Variants in CEP128 observed in about 807,000 individuals in gnomAD.
CEP128 encodes the protein centrosomal protein 128kDa.
A neutral mutation model predicts 156.7 loss-of-function variants in CEP128; 132 were observed. The ratio of observed to expected loss-of-function variants is 0.84; its 90% confidence interval spans 0.73 to 0.97. The LOEUF is 0.97. CEP128 is among the 50% of genes least tolerant of loss of function. The probability of loss-of-function intolerance (pLI) is 0.00; values close to 1 mark genes in which losing one functional copy is unlikely to be tolerated. For missense variants in CEP128, 1,252 were observed against 1,281.9 expected, an observed-to-expected ratio of 0.98 and a Z score of 0.36; for synonymous variants, 469 against 448.9, an observed-to-expected ratio of 1.04 and a Z score of -0.57.
chr14:80,615,186 T>C (rs1432445568), intron 19 of CEP128, among the ~76,000 whole-genome samples: 1 of 152,194 alleles, frequency 6.6e-6, no homozygotes, highest in Non-Finnish European at 1.5e-5. Flanking sequence ...GGGGAAACTC[T>C]ACAGTCACAC....
At chr14:80,659,812 T>C (rs148906062) in intron 19 of CEP128, among the ~76,000 whole-genome samples, 5,076 of 152,268 alleles carry the variant, frequency 0.033, 149 homozygotes, top group Non-Finnish European at 0.051. Context: ...TGACACTCAA[T>C]TTCCAAGTCA....
intron 9 of CEP128, among the ~76,000 whole-genome samples, chr14:80,861,178 T>C (rs868556188): frequency 8.6e-5 from 13 of 152,020 alleles, no homozygotes; most frequent in African/African-American, 2.9e-4. Flanking sequence ...CTACTTATAG[T>C]AGTAATTGTT....
chr14:80,692,348 A>T (rs985345291), intron 19 of CEP128, among the ~76,000 whole-genome samples: 3 of 152,192 alleles, frequency 2.0e-5, no homozygotes, highest in African/African-American at 7.2e-5. Context: ...ATATTAGCTT[A>T]CCTAAAAATT....
chr14:80,954,081 A>T (rs1886536130), intron 2 of CEP128, among the ~76,000 whole-genome samples: 1 of 152,058 alleles, frequency 6.6e-6, no homozygotes, highest in South Asian at 2.1e-4. Context: ...CAGCCTGACT[A>T]ACACAGTGAA....
chr14:80,632,005 C>T (rs957823100), intron 19 of CEP128, among the ~76,000 whole-genome samples: 2 of 152,054 alleles, frequency 1.3e-5, no homozygotes, highest in African/African-American at 2.4e-5. Flanking sequence ...GTCCATATTA[C>T]TAGCTGATGT....
intron 19 of CEP128, among the ~76,000 whole-genome samples, chr14:80,681,359 G>A (rs552724103): frequency 1.1e-4 from 17 of 152,258 alleles, no homozygotes; most frequent in African/African-American, 2.9e-4. Context: ...TGAATGTAGC[G>A]ACACCACCAA....
At chr14:80,880,810 T>C (rs2556612) in intron 8 of CEP128, among the ~76,000 whole-genome samples, 72,958 of 146,746 alleles carry the variant, frequency 0.5, 18,554 homozygotes, top group African/African-American at 0.57. Context: ...TTGCAGTGAG[T>C]CAAGATCTCG....
At chr14:80,726,767 A>G (rs980265208) in intron 19 of CEP128, among the ~76,000 whole-genome samples, 9 of 152,218 alleles carry the variant, frequency 5.9e-5, no homozygotes, top group Admixed American at 2.0e-4. Flanking sequence ...CTAATAATAT[A>G]AATAAGTGGA....
intron 3 of CEP128, among the ~76,000 whole-genome samples, chr14:80,914,819 T>C (rs1268525749): frequency 6.6e-6 from 1 of 152,232 alleles, no homozygotes; most frequent in African/African-American, 2.4e-5. Flanking sequence ...TGATTTTGAC[T>C]ATTCTTTTAC....
chr14:80,720,459 C>A (rs770843543), intron 19 of CEP128, among the ~76,000 whole-genome samples: 2 of 152,154 alleles, frequency 1.3e-5, no homozygotes, highest in Non-Finnish European at 2.9e-5. Flanking sequence ...CCCAGCCAAG[C>A]CACATTCTAC....
At chr14:80,608,398 T>G (rs1200180956) in intron 19 of CEP128, among the ~76,000 whole-genome samples, 1 of 152,212 alleles carries the variant, frequency 6.6e-6, no homozygotes, top group Admixed American at 6.5e-5. Context: ...TTCTTCCTGC[T>G]AATGTAAAAT....
intron 19 of CEP128, among the ~76,000 whole-genome samples, chr14:80,696,038 G>A (rs1896882033): frequency 6.6e-6 from 1 of 152,132 alleles, no homozygotes; most frequent in Non-Finnish European, 1.5e-5. Context: ...AATGCAGAAA[G>A]TCTGAACCTC....
At chr14:80,548,757 C>A (rs1186358931) in intron 21 of CEP128, among the ~76,000 whole-genome samples, 2 of 152,334 alleles carry the variant, frequency 1.3e-5, no homozygotes, top group South Asian at 2.1e-4. Context: ...TCAAATACGA[C>A]ACTGTCAGTC....
chr14:80,740,511 TA>T (rs369564451), intron 19 of CEP128, among the ~76,000 whole-genome samples: 20 of 109,600 alleles, frequency 1.8e-4, no homozygotes, highest in African/African-American at 6.9e-4. Context: ...GATAGATAGA[TA>T]GATAGATAGA....
chr14:80,811,818 T>TTAGATAGATAGA (rs61046137), intron 13 of CEP128, among the ~76,000 whole-genome samples: 19,984 of 149,516 alleles, frequency 0.13, 1,433 homozygotes, highest in Admixed American at 0.15. Context: ...CACGCATGTA[T>TTAGATAGATAGA]TAGATAGATA....
At chr14:80,749,468 A>G (rs1459606102) in intron 18 of CEP128, among the ~76,000 whole-genome samples, 1 of 152,214 alleles carries the variant, frequency 6.6e-6, no homozygotes, top group Non-Finnish European at 1.5e-5. Flanking sequence ...GAATCCTGTC[A>G]TCTGCAACAA....
chr14:80,678,537 G>A (rs1442509263), intron 19 of CEP128, among the ~76,000 whole-genome samples: 1 of 152,160 alleles, frequency 6.6e-6, no homozygotes. Context: ...GAAGGAAAAT[G>A]GGAATCCGCT....
At chr14:80,623,435 T>C (rs1893575478) in intron 19 of CEP128, among the ~76,000 whole-genome samples, 1 of 151,664 alleles carries the variant, frequency 6.6e-6, no homozygotes, top group Admixed American at 6.6e-5. Context: ...ATTGTGCACA[T>C]GTACCCTAAT....
chr14:80,864,601 G>A (rs1312897763), intron 8 of CEP128, among the ~76,000 whole-genome samples: 1 of 151,184 alleles, frequency 6.6e-6, no homozygotes, highest in Non-Finnish European at 1.5e-5. Context: ...CTGTCACCCA[G>A]GCTGGAGTGC....
Sources: gnomAD v4.1 joint callset for allele counts (sites outside exome capture counted in the v4.1 genomes callset) on GRCh38, gnomAD v4.1.1 for gene constraint, MANE v1.5 for transcripts, NCBI Gene and HGNC (gene_info 2026-07-23, HGNC 2026-07-21) for gene names.